The following OVCH1 variants were observed in gnomAD, a reference collection of about 807,000 sequenced individuals.
The protein encoded by OVCH1 is ovochymase-1.
Under a neutral mutation model 138.4 loss-of-function variants are expected in OVCH1, and 139 were observed. That is an observed-to-expected ratio of 1.00 (90% CI 0.87 to 1.16). The LOEUF is 1.16. Ranked by LOEUF, OVCH1 falls within the 50% of genes most tolerant of loss-of-function variation. The probability of loss-of-function intolerance (pLI) is 0.00; values close to 1 mark genes in which losing one functional copy is unlikely to be tolerated. For synonymous variants in OVCH1, 453 were observed against 467.8 expected (o/e 0.97, Z 0.41); for missense variants, 1,367 against 1,357.9 (o/e 1.01, Z -0.11).
chr12:29,496,801 C>A, intron 1 of OVCH1, 127 bp from the exon 2 acceptor site: 1 of 653,138 alleles, frequency 1.5e-6, no homozygotes, highest in Non-Finnish European at 2.6e-6. Flanking sequence ...TGCAGACTAC[C>A]ACATTCTTCT....
At chr12:29,493,559 C>T (rs1943330164) in intron 4 of OVCH1, among the ~76,000 whole-genome samples, 1 of 152,080 alleles carries the variant, frequency 6.6e-6, no homozygotes, top group South Asian at 2.1e-4. Context: ...CTCTTATCGT[C>T]ACTGTCTTCT....
At chr12:29,426,563 CCAAA>C (rs1363154313), downstream of OVCH1, among the ~76,000 whole-genome samples, 1 of 152,094 alleles carries the variant, frequency 6.6e-6, no homozygotes, top group Non-Finnish European at 1.5e-5. Context: ...TTAGCATGGC[CCAAA>C]CAGATATCTC....
chr12:29,459,676 GT>G (rs34023583), intron 19 of OVCH1, among the ~76,000 whole-genome samples: 20,535 of 152,066 alleles, frequency 0.14, 1,363 homozygotes, highest in African/African-American at 0.14. Context: ...TTGAAGTGAT[GT>G]GTATACCCAA....
chr12:29,402,579 GAGAA>G, the OVCH1 span, among the ~76,000 whole-genome samples: 1 of 151,866 alleles, frequency 6.6e-6, no homozygotes, highest in African/African-American at 2.4e-5. Context: ...GGAGGGCATT[GAGAA>G]AGAAGGATTG....
At chr12:29,427,767 T>C in intron 27 of OVCH1, 1 of 1,346,590 alleles carries the variant, frequency 7.4e-7, no homozygotes, top group Non-Finnish European at 9.8e-7. Flanking sequence ...CAGGGGTCTA[T>C]ATTCATTAGG....
chr12:29,473,236 C>G, intron 14 of OVCH1, 133 bp from the exon 15 acceptor site: 1 of 600,684 alleles, frequency 1.7e-6, no homozygotes, highest in Non-Finnish European at 2.9e-6. Context: ...ACACTAGATG[C>G]CAGATCCCAG....
At chr12:29,478,844 C>T (rs1172926334) in exon 9 of OVCH1, 1 of 1,585,046 alleles carries the variant, frequency 6.3e-7, no homozygotes, top group Non-Finnish European at 8.6e-7. Flanking sequence ...CTAAAAAGCA[C>T]TCCACTGCTT....
At chr12:29,483,249 C>CT (rs1942990662) in intron 8 of OVCH1, among the ~76,000 whole-genome samples, 1 of 152,136 alleles carries the variant, frequency 6.6e-6, no homozygotes, top group Non-Finnish European at 1.5e-5. Context: ...CCTAGAGGTC[C>CT]TAGAGGTCCC....
rs1412761947 is a variant in OVCH1, at chr12:29,477,094, T to G, written c.1377+8A>C. Reference sequence around the variant, plus strand: ...TTTATGAGGTAGAGCGATTCCTCAGTTGCCTACCTTTATAATGTGCTTCTC... The same window carrying G: ...TTTATGAGGTAGAGCGATTCCTCAGGTGCCTACCTTTATAATGTGCTTCTC... On this transcript the variant is annotated splice_region_variant and intron_variant, in intron 12 of 27. Coordinates refer to ENST00000318184, the Ensembl canonical transcript of OVCH1. 6.3e-7 allele frequency: 1 copy of G among 1,594,874 alleles called. No individual in the cohort carries two copies. The highest frequency in any genetic ancestry group is 1.1e-5 in the South Asian group (1 of 87,734).
chr12:29,464,617 G>A (rs11050243), exon 18 of OVCH1: 241,950 of 1,613,288 alleles, frequency 0.15, 20,370 homozygotes, highest in African/African-American at 0.36. Context: ...CTCCAGAGGA[G>A]AGCTTAGTTG....
chr12:29,416,730 A>C (rs535809832), intron 3 of OVCH1, among the ~76,000 whole-genome samples: 23 of 152,372 alleles, frequency 1.5e-4, no homozygotes, highest in African/African-American at 5.3e-4. Context: ...TAAAACTACC[A>C]TGGAAAAACA....
exon 14 of OVCH1, chr12:29,475,129 A>T: frequency 6.4e-7 from 1 of 1,567,102 alleles, no homozygotes; most frequent in South Asian, 1.2e-5. Flanking sequence ...TTTAAAGTAT[A>T]TCACCGTCAT....
At chr12:29,442,348 C>A (rs539354621) in intron 25 of OVCH1, among the ~76,000 whole-genome samples, 3,163 of 146,564 alleles carry the variant, frequency 0.022, 109 homozygotes, top group African/African-American at 0.074. Flanking sequence ...TGGAAATCAT[C>A]ATTCTCAGTA....
At chr12:29,481,913 T>C (rs1243989123) in intron 8 of OVCH1, among the ~76,000 whole-genome samples, 1 of 152,206 alleles carries the variant, frequency 6.6e-6, no homozygotes, top group Non-Finnish European at 1.5e-5. Context: ...CCTACGGCCC[T>C]ACCACTCTTC....
At chr12:29,461,558 A>G (rs77415569) in intron 19 of OVCH1, among the ~76,000 whole-genome samples, 12 of 152,264 alleles carry the variant, frequency 7.9e-5, no homozygotes, top group Non-Finnish European at 1.6e-4. Flanking sequence ...ACCTGAACAC[A>G]TCTTCCCTTG....
chr12:29,475,577 A>G (rs984787662), intron 13 of OVCH1, among the ~76,000 whole-genome samples: 1 of 152,146 alleles, frequency 6.6e-6, no homozygotes, highest in Non-Finnish European at 1.5e-5. Context: ...AAAACCTCAC[A>G]CTATACATGC....
chr12:29,461,965 C>CA lies in OVCH1; in HGVS notation c.2168dup (p.Leu724ValfsTer7). On this transcript the variant is annotated frameshift_variant, in exon 19 of 28. Coordinates refer to ENST00000318184, the Ensembl canonical transcript of OVCH1. LOFTEE classifies it high-confidence loss of function. ...TGTGTTCACAGACCTCTCTTTCTAA[C>CA]ACATGCACTTGAATCTGCTGTAGGC... 6.2e-7 allele frequency: 1 copy of CA among 1,613,820 alleles called. No individual in the cohort carries two copies. The highest frequency in any genetic ancestry group is 8.5e-7 in the Non-Finnish European group (1 of 1,179,730).
At chr12:29,488,922 T>C (rs1323051290) in intron 6 of OVCH1, among the ~76,000 whole-genome samples, 1 of 152,206 alleles carries the variant, frequency 6.6e-6, no homozygotes, top group African/African-American at 2.4e-5. Context: ...CCCAAACTCC[T>C]GTCATCGCCT....
At chr12:29,476,033 G>A (rs967438710) in intron 13 of OVCH1, among the ~76,000 whole-genome samples, 173 bp downstream of exon 13, 16 of 152,262 alleles carry the variant, frequency 1.1e-4, no homozygotes, top group East Asian at 1.9e-4. Context: ...CTTTACTGGC[G>A]AATTAGTTGC....
Sources: allele counts gnomAD v4.1 joint callset (sites outside exome capture counted in the v4.1 genomes callset), GRCh38; gene constraint gnomAD v4.1.1; transcripts MANE v1.5; gene names NCBI Gene and HGNC (gene_info 2026-07-23, HGNC 2026-07-21).